SLC16A12: variants seen among roughly 807,000 people sequenced by gnomAD.
SLC16A12 encodes solute carrier family 16 member 12, also known as monocarboxylate transporter 12.
A neutral mutation model predicts 42.4 loss-of-function variants in SLC16A12; 17 were observed. That is an observed-to-expected ratio of 0.40 (90% CI 0.27 to 0.60). The LOEUF is 0.60. Among genes scored for constraint, SLC16A12 ranks in the 20% least tolerant of loss-of-function variants. The pLI is 0.42. For missense variants in SLC16A12, 544 were observed against 623.0 expected (o/e 0.87, Z 1.35); for synonymous variants, 224 against 229.4 (o/e 0.98, Z 0.21).
At chr10:89,546,236 C>T (rs1264347176) in intron 2 of SLC16A12, among the ~76,000 whole-genome samples, 1 of 152,032 alleles carries the variant, frequency 6.6e-6, no homozygotes, top group Non-Finnish European at 1.5e-5. Context: ...AAAGAAATAT[C>T]ATCAGAGGGA....
intron 2 of SLC16A12, among the ~76,000 whole-genome samples, chr10:89,503,369 C>T (rs1347661809): frequency 6.6e-6 from 1 of 152,136 alleles, no homozygotes; most frequent in African/African-American, 2.4e-5. Context: ...GCCCTTTAAT[C>T]CATAGTTGCT....
intron 2 of SLC16A12, among the ~76,000 whole-genome samples, chr10:89,477,564 CAAAAAAAAA>C (rs34204051): frequency 4.1e-5 from 2 of 49,258 alleles, no homozygotes; most frequent in Non-Finnish European, 7.6e-5. Context: ...AACTCTGTCT[CAAAAAAAAA>C]AAAAAAAAAA....
intron 2 of SLC16A12, among the ~76,000 whole-genome samples, chr10:89,530,056 A>T (rs952493784): frequency 3.3e-5 from 5 of 152,234 alleles, no homozygotes; most frequent in Non-Finnish European, 5.9e-5. Context: ...ATTTTGTTTC[A>T]ATTCCTTTCA....
intron 2 of SLC16A12, among the ~76,000 whole-genome samples, chr10:89,521,548 A>G (rs1044916064): frequency 2.0e-5 from 3 of 152,170 alleles, no homozygotes; most frequent in African/African-American, 4.8e-5. Context: ...AGGACACCAC[A>G]CTGAGTCCTA....
intron 2 of SLC16A12, among the ~76,000 whole-genome samples, chr10:89,484,910 G>A (rs1358218093): frequency 2.6e-5 from 4 of 151,996 alleles, no homozygotes; most frequent in Admixed American, 2.6e-4. Context: ...CACCTCCCTG[G>A]CCCTGCCGAT....
At chr10:89,460,675 G>A (rs945473671) in intron 3 of SLC16A12, among the ~76,000 whole-genome samples, 2 of 150,822 alleles carry the variant, frequency 1.3e-5, no homozygotes, top group African/African-American at 2.4e-5. Context: ...AATCTGGGAG[G>A]CGGAGGTTAC....
intron 2 of SLC16A12, among the ~76,000 whole-genome samples, chr10:89,508,749 G>T (rs1041378494): frequency 2.0e-5 from 3 of 152,128 alleles, no homozygotes; most frequent in African/African-American, 7.2e-5. Flanking sequence ...GAAAGAGATA[G>T]AGACACAAAA....
intron 2 of SLC16A12, among the ~76,000 whole-genome samples, chr10:89,516,104 C>T (rs1264788159): frequency 1.3e-5 from 2 of 152,166 alleles, no homozygotes; most frequent in Non-Finnish European, 1.5e-5. Context: ...AGGAACACAC[C>T]GGTGTGTCCG....
At chr10:89,477,962 A>G (rs1842605761) in intron 2 of SLC16A12, among the ~76,000 whole-genome samples, 2 of 142,970 alleles carry the variant, frequency 1.4e-5, no homozygotes, top group Admixed American at 1.6e-4. Context: ...TACTGGGTAT[A>G]TTATTTAAGG....
upstream of SLC16A12, among the ~76,000 whole-genome samples, chr10:89,538,788 A>T (rs1843695524): frequency 6.6e-6 from 1 of 152,238 alleles, no homozygotes; most frequent in Non-Finnish European, 1.5e-5. Context: ...ATATTGGGGA[A>T]TGACAAAGAT....
chr10:89,542,187 T>C (rs1843719351), intron 2 of SLC16A12, among the ~76,000 whole-genome samples: 2 of 152,206 alleles, frequency 1.3e-5, no homozygotes, highest in Non-Finnish European at 2.9e-5. Flanking sequence ...AGACTATTTT[T>C]ACAAAAATAT....
rs748263020 is a variant in SLC16A12, at chr10:89,430,379, C to T, written c.*2685G>A. On this transcript the variant is annotated 3_prime_UTR_variant, in exon 8 of 8. Transcript: ENST00000371790. The stretch of plus-strand genomic sequence containing the variant: ...AATATTTCATCTATTAATGAAATTA[C>T]AATCTGAACAAAAAGCCCAATCATA... 9.1e-6 allele frequency: 2 copies of T among 220,496 alleles called. No homozygotes were observed. The highest frequency in any genetic ancestry group is 1.8e-5 in the Non-Finnish European group (2 of 109,612). 13.7% of individuals were successfully genotyped at this position (220,496 alleles called of 1,614,324 possible). A position where few individuals can be genotyped will look rare whatever the true frequency, so the allele number is the denominator to read the frequency against.
intron 3 of SLC16A12, among the ~76,000 whole-genome samples, chr10:89,459,930 A>G (rs1397220954): frequency 6.6e-6 from 1 of 152,238 alleles, no homozygotes; most frequent in Non-Finnish European, 1.5e-5. Flanking sequence ...AATAAGAGTG[A>G]AACTCTGTCT....
chr10:89,533,593 A>T (rs1276297902), intron 2 of SLC16A12, among the ~76,000 whole-genome samples: 1 of 152,152 alleles, frequency 6.6e-6, no homozygotes, highest in Non-Finnish European at 1.5e-5. Flanking sequence ...CTGATCGATC[A>T]TTACCATAGA....
intron 2 of SLC16A12, among the ~76,000 whole-genome samples, chr10:89,494,001 C>A (rs932277428): frequency 6.6e-6 from 1 of 152,150 alleles, no homozygotes; most frequent in Non-Finnish European, 1.5e-5. Flanking sequence ...ATAAAGAAAA[C>A]TGAAGTAATC....
At chr10:89,440,455 C>T (rs926811335) in intron 5 of SLC16A12, among the ~76,000 whole-genome samples, 3 of 152,176 alleles carry the variant, frequency 2.0e-5, no homozygotes, top group Non-Finnish European at 2.9e-5. Flanking sequence ...TCACGCCACA[C>T]CAATGGCACA....
chr10:89,525,700 T>A (rs1298752222), intron 2 of SLC16A12, among the ~76,000 whole-genome samples: 3 of 152,148 alleles, frequency 2.0e-5, no homozygotes, highest in African/African-American at 4.8e-5. Context: ...TTGCCAGGTG[T>A]TCCTCATGAC....
intron 2 of SLC16A12, among the ~76,000 whole-genome samples, chr10:89,466,611 T>G (rs1842404568): frequency 6.6e-6 from 1 of 152,220 alleles, no homozygotes; most frequent in Non-Finnish European, 1.5e-5. Context: ...AAATATCAGA[T>G]ACTATCCAAA....
chr10:89,468,527 A>G (rs1262632264), intron 2 of SLC16A12, among the ~76,000 whole-genome samples: 1 of 152,220 alleles, frequency 6.6e-6, no homozygotes, highest in East Asian at 1.9e-4. Context: ...AAGATGTCCA[A>G]GCAATACTAA....
Sources: gnomAD v4.1 joint callset for allele counts (sites outside exome capture counted in the v4.1 genomes callset) on GRCh38, gnomAD v4.1.1 for gene constraint, MANE v1.5 for transcripts, NCBI Gene and HGNC (gene_info 2026-07-23, HGNC 2026-07-21) for gene names.